Variants in TBCD observed in about 807,000 individuals in gnomAD.
TBCD encodes the protein tubulin-specific chaperone D.
A neutral mutation model predicts 169.3 loss-of-function variants in TBCD; 105 were observed. That is an observed-to-expected ratio of 0.62 (90% CI 0.53 to 0.73). TBCD has a LOEUF of 0.73. Among genes scored for constraint, TBCD ranks in the 30% least tolerant of loss-of-function variants. The pLI is 0.00. For synonymous variants in TBCD, 700 were observed against 643.9 expected (o/e 1.09, Z -1.32); for missense variants, 1,444 against 1,600.1 (o/e 0.90, Z 1.66).
At chr17:82,764,209 G>T in intron 3 of TBCD, 147 bp downstream of exon 3, 1 of 668,840 alleles carries the variant, frequency 1.5e-6, no homozygotes, top group Non-Finnish European at 2.5e-6. Context: ...ACTGTATGTT[G>T]GGGATCAGAA....
intron 13 of TBCD, chr17:82,840,187 C>T (rs2145432815): frequency 6.6e-6 from 1 of 152,368 alleles, no homozygotes; most frequent in East Asian, 1.9e-4. Flanking sequence ...AGCAAGTTAT[C>T]TCGCCGACTC....
chr17:82,759,445 C>T (rs931979038), intron 2 of TBCD, among the ~76,000 whole-genome samples: 1 of 152,162 alleles, frequency 6.6e-6, no homozygotes, highest in Admixed American at 6.5e-5. Flanking sequence ...GAGATCGTGC[C>T]ACTGCACTCC....
At chr17:82,803,125 C>T (rs182637042) in intron 9 of TBCD, among the ~76,000 whole-genome samples, 47 of 152,260 alleles carry the variant, frequency 3.1e-4, no homozygotes, top group Admixed American at 1.3e-3. Context: ...TTGATGAGGA[C>T]GGACTTACGC....
In TBCD at chr17:82,921,332, C is replaced by T; in HGVS notation, c.2102-169C>T. The T allele has an allele frequency of 6.2e-6, 4 of 641,024 alleles. No individual in the cohort carries two copies. In the South Asian group the frequency reaches 7.4e-5, roughly 12 times the overall value. 39.7% of individuals were successfully genotyped at this position (641,024 alleles called of 1,614,324 possible). The stretch of plus-strand genomic sequence containing the variant: ...ATTTAACAGCCATGAGAGGAAGGGG[C>T]CTTAGACTTAACACAACGTGGAGAA... On this transcript the variant is annotated intron_variant, in intron 24 of 38. Transcript: ENST00000355528.
intron 19 of TBCD, among the ~76,000 whole-genome samples, chr17:82,905,561 G>A (rs1199111302): frequency 2.3e-5 from 2 of 85,306 alleles, no homozygotes; most frequent in Non-Finnish European, 4.5e-5. Context: ...GTGTGTGCAC[G>A]CCGTCACCTG....
intron 12 of TBCD, among the ~76,000 whole-genome samples, chr17:82,813,252 G>A (rs908797664): frequency 1.3e-5 from 2 of 152,000 alleles, no homozygotes; most frequent in African/African-American, 4.8e-5. Flanking sequence ...GTGTACCTGC[G>A]ACACTCTTTA....
intron 2 of TBCD, among the ~76,000 whole-genome samples, chr17:82,759,095 G>A (rs2047610519): frequency 6.6e-6 from 1 of 152,076 alleles, no homozygotes; most frequent in Non-Finnish European, 1.5e-5. Context: ...GCTCACTGCA[G>A]CCTTGAGCTC....
At chr17:82,940,199 A>T (rs1322417431) in intron 37 of TBCD, among the ~76,000 whole-genome samples, 33 of 126,382 alleles carry the variant, frequency 2.6e-4, no homozygotes, top group Non-Finnish European at 2.2e-4. Context: ...GCTGGCTCAC[A>T]CACATGCTCA....
At chr17:82,790,649 G>A (rs1358503311) in intron 7 of TBCD, among the ~76,000 whole-genome samples, 1 of 152,176 alleles carries the variant, frequency 6.6e-6, no homozygotes, top group African/African-American at 2.4e-5. Flanking sequence ...GCCGCCCCCA[G>A]CATATGTCAG....
chr17:82,850,116 C>T (rs370430838), intron 13 of TBCD, among the ~76,000 whole-genome samples: 3,202 of 68,496 alleles, frequency 0.047, 1,471 homozygotes, highest in Middle Eastern at 0.077. Context: ...GGCTGTGCTG[C>T]TGTTGGCTGT....
intron 18 of TBCD, among the ~76,000 whole-genome samples, chr17:82,901,820 G>A (rs908977883): frequency 3.9e-5 from 6 of 152,218 alleles, no homozygotes; most frequent in African/African-American, 9.6e-5. Context: ...CCTGAGACTC[G>A]GGGTGTCCCT....
chr17:82,804,174 C>T (rs1313951347), intron 9 of TBCD, among the ~76,000 whole-genome samples: 2 of 149,848 alleles, frequency 1.3e-5, no homozygotes, highest in Non-Finnish European at 3.0e-5. Context: ...AGAGTGGGGG[C>T]TGGGGTGTGC....
chr17:82,908,104 T>C (rs1433468025), intron 21 of TBCD, among the ~76,000 whole-genome samples: 1 of 152,228 alleles, frequency 6.6e-6, no homozygotes, highest in Non-Finnish European at 1.5e-5. Context: ...CCTTGGTCTC[T>C]GAGGAAGGCT....
rs957361910 is a variant in TBCD at position 82,787,483 on chromosome 17, G to A, written c.771+5762G>A. On this transcript the variant is annotated intron_variant, in intron 7 of 38. Coordinates refer to ENST00000355528, the MANE Select transcript of TBCD (RefSeq NM_005993.5). Reference sequence around the variant, plus strand: ...GTTGTTTCCTTCTGTCTCTTGGAAGGGTCCGTTTGGTCTGATCCAGGTTGC... The same window carrying A: ...GTTGTTTCCTTCTGTCTCTTGGAAGAGTCCGTTTGGTCTGATCCAGGTTGC... 7.2e-5 allele frequency among the ~76,000 whole-genome samples: 11 copies of A among 152,340 alleles called. No homozygotes were observed. In the East Asian group the frequency reaches 1.5e-3, roughly 21 times the overall value.
intron 1 of TBCD, among the ~76,000 whole-genome samples, chr17:82,753,919 G>A (rs1261872735): frequency 1.4e-5 from 2 of 146,908 alleles, no homozygotes; most frequent in Non-Finnish European, 3.0e-5. Flanking sequence ...CCAGGGTGGA[G>A]TGCAGTGATG....
At chr17:82,764,531 G>T (rs1367362737) in intron 3 of TBCD, among the ~76,000 whole-genome samples, 2 of 152,182 alleles carry the variant, frequency 1.3e-5, no homozygotes, top group Non-Finnish European at 2.9e-5. Flanking sequence ...TGTAATCCCA[G>T]CTGCTTGGGA....
intron 13 of TBCD, among the ~76,000 whole-genome samples, chr17:82,844,931 A>G (rs1274901087): frequency 6.6e-6 from 1 of 152,140 alleles, no homozygotes; most frequent in African/African-American, 2.4e-5. Flanking sequence ...CCCCACCCAC[A>G]GGTCGGGAAC....
Position 82,903,619 on chromosome 17 carries a change from C to T in TBCD, c.1804+141C>T. On this transcript the variant is annotated intron_variant, in intron 19 of 38. Transcript: ENST00000355528. This position sits in a 1 kb window ranked among gnomAD's most constrained non-coding sequence, Gnocchi z 4.8. ...AAGCATCTGAGGAAAGAGCTGTGGA[C>T]TTGATCAGTGGATAGGCTGTGAGGA... 1 of 877,048 alleles carries T rather than the reference C, an allele frequency of 1.1e-6. No homozygotes were observed. Among genetic ancestry groups the T allele is most frequent in the Non-Finnish European group, 1.7e-6 (1 of 574,298 alleles). 54.3% of individuals were successfully genotyped at this position (877,048 alleles called of 1,614,324 possible).
In TBCD at chr17:82,813,474, T is replaced by C. The variant is rs2460467; in HGVS notation, c.1224-1366T>C. 6.1e-3 allele frequency among the ~76,000 whole-genome samples: 925 copies of C among 152,268 alleles called. 10 individuals are homozygous for C. Among genetic ancestry groups the C allele is most frequent in the African/African-American group, 0.021 (880 of 41,548 alleles). On this transcript the variant is annotated intron_variant, in intron 12 of 38. Transcript: ENST00000355528. ...GACAGGGTCCCCTGTCCGGTTCCACTGTGCCGTGGTGGTGCTGGGCCTCTG... is the reference window on the plus strand; with the variant it reads ...GACAGGGTCCCCTGTCCGGTTCCACCGTGCCGTGGTGGTGCTGGGCCTCTG...
Sources: gnomAD v4.1 joint callset for allele counts (sites outside exome capture counted in the v4.1 genomes callset) on GRCh38, gnomAD v4.1.1 for gene constraint, Gnocchi (gnomAD v3.1) non-coding constraint, MANE v1.5 for transcripts, NCBI Gene and HGNC (gene_info 2026-07-23, HGNC 2026-07-21) for gene names.